ZNF346: variants seen among roughly 807,000 people sequenced by gnomAD.
The protein encoded by ZNF346 is double-stranded RNA-binding zinc finger protein JAZ.
ZNF346 carries 23 observed loss-of-function variants against 33.7 expected under a neutral mutation model. That is an observed-to-expected ratio of 0.68 (90% CI 0.49 to 0.97). The LOEUF (loss-of-function observed/expected upper bound fraction) is 0.97. ZNF346 is among the 50% of genes least tolerant of loss of function. ZNF346 has a pLI of 0.00. For synonymous variants in ZNF346, 134 were observed against 142.4 expected, an observed-to-expected ratio of 0.94 and a Z score of 0.42; for missense variants, 340 against 371.1, an observed-to-expected ratio of 0.92 and a Z score of 0.69.
At chr5:177,039,023 CA>C (rs1358092090) in intron 1 of ZNF346, among the ~76,000 whole-genome samples, 15 of 152,020 alleles carry the variant, frequency 9.9e-5, no homozygotes, top group African/African-American at 3.4e-4. Context: ...TCCCAAGTAG[CA>C]GGGATTACAG....
rs1308918355 is a variant in ZNF346, at chr5:177,067,585, T to C, written c.*2986T>C. 2.0e-5 allele frequency among the ~76,000 whole-genome samples: 3 copies of C among 152,212 alleles called. No homozygotes were observed. In the East Asian group the frequency reaches 5.8e-4, roughly 29 times the overall value. On this transcript the variant is annotated 3_prime_UTR_variant, in exon 7 of 7. Transcript: ENST00000358149. The stretch of plus-strand genomic sequence containing the variant: ...GTGAGCCTCCGGCCTGCAAGACCAC[T>C]TTGTAGTCCCTACCAGCTGTGTGGC...
chr5:177,070,271 A>G (rs1652547393), downstream of ZNF346, among the ~76,000 whole-genome samples: 1 of 152,162 alleles, frequency 6.6e-6, no homozygotes, highest in Non-Finnish European at 1.5e-5. Context: ...ATTTGAATCC[A>G]TAGTTCCTGA....
At chr5:177,036,315 G>C (rs561726752) in intron 1 of ZNF346, among the ~76,000 whole-genome samples, 1 of 152,262 alleles carries the variant, frequency 6.6e-6, no homozygotes, top group African/African-American at 2.4e-5. Context: ...GGCTTTAAAA[G>C]CAAACATTCC....
Position 177,064,556 on chromosome 5 carries a change from A to G in ZNF346, c.842A>G (p.Gln281Arg). 6.2e-7 allele frequency: 1 copy of G among 1,614,236 alleles called. No individual in the cohort carries two copies. Among genetic ancestry groups the G allele is most frequent in the Non-Finnish European group, 8.5e-7 (1 of 1,180,028 alleles). ...VASSLGQIPM[Q>R]RQPIQKDSTT... is the part of the protein sequence containing the mutation. Reference sequence around the variant, plus strand: ...TCATCCCTGGGCCAGATTCCAATGCAAAGGCAACCCATTCAGAAAGACTCA... The same window carrying G: ...TCATCCCTGGGCCAGATTCCAATGCGAAGGCAACCCATTCAGAAAGACTCA... Residue 281 changes from glutamine (Q) to arginine (R), a missense_variant, in exon 7 of 7, where the codon CAA becomes CGA. Coordinates refer to ENST00000358149, the MANE Select transcript of ZNF346 (RefSeq NM_012279.4).
At chr5:177,052,999 C>T (rs572286994) in intron 5 of ZNF346, 1 of 151,982 alleles carries the variant, frequency 6.6e-6, no homozygotes, top group South Asian at 2.1e-4. Context: ...AGGATGAATT[C>T]CTTGTTTTTA....
At position 177,035,886 on chromosome 5, in the gene ZNF346, G is replaced by C. The variant is rs971049929; in HGVS notation, c.176-5240G>C. 3.0e-4 allele frequency among the ~76,000 whole-genome samples: 46 copies of C among 151,876 alleles called. 1 individual carries two copies. Among genetic ancestry groups the C allele is most frequent in the African/African-American group, 1.1e-3 (45 of 41,408 alleles). On this transcript the variant is annotated intron_variant, in intron 1 of 6. Coordinates refer to ENST00000358149, the MANE Select transcript of ZNF346 (RefSeq NM_012279.4). The stretch of plus-strand genomic sequence containing the variant: ...GAACTCCTGGCCTCGTGATCCGCCC[G>C]CCTCTGCCTCCCAAAGTGCTGGTAT...
downstream of ZNF346, among the ~76,000 whole-genome samples, chr5:177,068,735 A>G (rs6863916): frequency 2.1e-5 from 3 of 142,706 alleles, no homozygotes; most frequent in African/African-American, 9.0e-5. Context: ...ATACAACCCC[A>G]AAAGAAGAAG....
intron 1 of ZNF346, among the ~76,000 whole-genome samples, chr5:177,033,024 C>A (rs993877567): frequency 3.3e-5 from 5 of 152,290 alleles, no homozygotes; most frequent in South Asian, 2.1e-4. Context: ...ATTGTCTAAC[C>A]ATTCTCATCC....
At chr5:177,038,347 AAGCAATCCTCTTGCCTC>A (rs1360126263) in intron 1 of ZNF346, among the ~76,000 whole-genome samples, 1 of 149,002 alleles carries the variant, frequency 6.7e-6, no homozygotes, top group Admixed American at 6.8e-5. Flanking sequence ...TTCTGGGCTG[AAGCAATCCTCTTGCCTC>A]AGCCTGTTGA....
chr5:177,024,157 T>TACACACACACACACACACACAC (rs144403449), intron 1 of ZNF346, among the ~76,000 whole-genome samples: 2,538 of 121,270 alleles, frequency 0.021, 40 homozygotes, highest in African/African-American at 0.036. Flanking sequence ...ATTTTATGTA[T>TACACACACACACACACACACAC]ACACACACAC....
At chr5:177,074,361 G>A (rs1050293326) in intron 8 of ZNF346, among the ~76,000 whole-genome samples, 1 of 151,882 alleles carries the variant, frequency 6.6e-6, no homozygotes, top group African/African-American at 2.4e-5. Flanking sequence ...AAGTGGGAAT[G>A]TCTCGAGCCC....
intron 4 of ZNF346, among the ~76,000 whole-genome samples, chr5:177,049,084 C>A (rs982902249): frequency 6.6e-6 from 1 of 152,030 alleles, no homozygotes; most frequent in African/African-American, 2.4e-5. Context: ...TTGCGCCTGG[C>A]CTGTAACTTG....
chr5:177,037,839 TCA>T (rs1177455123), intron 1 of ZNF346, among the ~76,000 whole-genome samples: 1 of 152,180 alleles, frequency 6.6e-6, no homozygotes, highest in African/African-American at 2.4e-5. Flanking sequence ...AATCCGTAGT[TCA>T]TACTGTGGCT....
At chr5:177,058,369 G>C (rs984515214) in intron 5 of ZNF346, among the ~76,000 whole-genome samples, 1 of 151,586 alleles carries the variant, frequency 6.6e-6, no homozygotes, top group African/African-American at 2.4e-5. Context: ...TACTCAGGAG[G>C]CTGAGGCAGG....
intron 2 of ZNF346, among the ~76,000 whole-genome samples, 186 bp downstream of exon 2, chr5:177,041,415 G>T (rs540567727): frequency 6.6e-6 from 1 of 152,180 alleles, no homozygotes; most frequent in African/African-American, 2.4e-5. Context: ...ATCCAAATCA[G>T]GATCATTATA....
rs544156805 is a variant in ZNF346 at position 177,035,405 on chromosome 5, T to C, written c.176-5721T>C. The stretch of plus-strand genomic sequence containing the variant: ...AGTTGGTAGTTGGATTAAAGTTGTG[T>C]GCAGATATCATGGCAAAAAGGATGT... On this transcript the variant is annotated intron_variant, in intron 1 of 6. Coordinates refer to ENST00000358149, the MANE Select transcript of ZNF346 (RefSeq NM_012279.4). Among the ~76,000 whole-genome samples the C allele has an allele frequency of 3.9e-5, 6 of 152,254 alleles. No homozygotes were observed. In the South Asian group the frequency reaches 1.2e-3, roughly 32 times the overall value.
intron 1 of ZNF346, among the ~76,000 whole-genome samples, chr5:177,027,669 T>C (rs189273415): frequency 6.6e-6 from 1 of 151,012 alleles, no homozygotes; most frequent in Non-Finnish European, 1.5e-5. Flanking sequence ...TTTTTTTTTT[T>C]AAATTCTCTA....
chr5:177,043,505 C>T (rs542409668), intron 3 of ZNF346, among the ~76,000 whole-genome samples: 2 of 152,164 alleles, frequency 1.3e-5, no homozygotes, highest in South Asian at 4.1e-4. Context: ...GTGGCTCATA[C>T]CTGTAATCCT....
At chr5:177,031,783 T>G (rs1413675171) in intron 1 of ZNF346, among the ~76,000 whole-genome samples, 3 of 152,136 alleles carry the variant, frequency 2.0e-5, no homozygotes, top group Non-Finnish European at 4.4e-5. Flanking sequence ...TGTTCATTAT[T>G]CTTCAATGTT....
Sources: gnomAD v4.1 joint callset for allele counts (sites outside exome capture counted in the v4.1 genomes callset) on GRCh38, gnomAD v4.1.1 for gene constraint, MANE v1.5 for transcripts, NCBI Gene and HGNC (gene_info 2026-07-23, HGNC 2026-07-21) for gene names.